Variants in GOLIM4 observed in about 807,000 individuals in gnomAD.
The protein encoded by GOLIM4 is 130 kDa golgi-localized phosphoprotein.
A neutral mutation model predicts 107.4 loss-of-function variants in GOLIM4; 71 were observed. The observed-to-expected ratio is 0.66, with a 90% CI of 0.55 to 0.81. The LOEUF (loss-of-function observed/expected upper bound fraction) is 0.81, where lower values mean the gene tolerates loss of function less well. Ranked by LOEUF, GOLIM4 falls within the 30% of genes least tolerant of loss-of-function variation. GOLIM4 has a pLI of 0.00. For missense variants in GOLIM4, 830 were observed against 826.1 expected, an observed-to-expected ratio of 1.00 and a Z score of -0.06; for synonymous variants, 327 against 294.8, an observed-to-expected ratio of 1.11 and a Z score of -1.12.
At position 168,066,917 on chromosome 3, in the gene GOLIM4, A is replaced by T. The variant is rs568273227; in HGVS notation, c.188-18552T>A. ...TGAAGAGTTATTTCATAAGAAAAATAAATCACTTAACATGGTAGTTCTTGT... is the reference window on the plus strand; with the variant it reads ...TGAAGAGTTATTTCATAAGAAAAATTAATCACTTAACATGGTAGTTCTTGT... On this transcript the variant is annotated intron_variant, in intron 1 of 15. Coordinates refer to ENST00000470487, the MANE Select transcript of GOLIM4 (RefSeq NM_014498.5). Among the ~76,000 whole-genome samples the T allele has an allele frequency of 6.6e-5, 10 of 152,268 alleles. No homozygotes were observed. The South Asian group carries it at 1.7e-3, about 25-fold the overall frequency.
At chr3:168,071,493 T>C (rs533781663) in intron 1 of GOLIM4, among the ~76,000 whole-genome samples, 4 of 152,078 alleles carry the variant, frequency 2.6e-5, no homozygotes, top group South Asian at 4.2e-4. Context: ...CTGGCTGTCA[T>C]GGCAAGTTCT....
At position 168,029,875 on chromosome 3, in the gene GOLIM4, C is replaced by T. The variant is rs1325978704; in HGVS notation, c.1338G>A (p.Gln446=). 5 of 1,614,150 alleles carry T rather than the reference C, an allele frequency of 3.1e-6. No individual in the cohort carries two copies. In the Admixed American group the frequency reaches 8.3e-5, roughly 27 times the overall value. Residue 446 remains glutamine, a synonymous_variant, in exon 10 of 16, where the codon CAG becomes CAA. Coordinates refer to ENST00000470487, the MANE Select transcript of GOLIM4 (RefSeq NM_014498.5). Reference sequence around the variant, plus strand: ...CCACCTGCTGCTGCTGCTGTTCCTGCTGCCGTAGTAAGTGCCCCTGCAGCC... The same window carrying T: ...CCACCTGCTGCTGCTGCTGTTCCTGTTGCCGTAGTAAGTGCCCCTGCAGCC... ...QQRLQGHLLR[Q]QEQQQQQVAR...
chr3:168,046,179 T>C (rs1466588029), intron 3 of GOLIM4, among the ~76,000 whole-genome samples: 4 of 152,230 alleles, frequency 2.6e-5, no homozygotes, highest in Non-Finnish European at 4.4e-5. Context: ...GGCTTCTTCT[T>C]AGTTTTAATA....
In GOLIM4 at chr3:168,041,543, A is replaced by T. The variant is rs1719004102; in HGVS notation, c.518-69T>A. ...TCAGGATTCTGTTTCTATTATTTTC[A>T]TATCTAAAGCCACCTATAACTTATT... On this transcript the variant is annotated intron_variant, in intron 5 of 15. Transcript: ENST00000470487. 3 of 741,944 alleles carry T rather than the reference A, an allele frequency of 4.0e-6. No homozygotes were observed. The African/African-American group carries it at 5.2e-5, about 13-fold the overall frequency. 46.0% of individuals were successfully genotyped at this position (741,944 alleles called of 1,614,324 possible). A position where few individuals can be genotyped will look rare whatever the true frequency, so the allele number is the denominator to read the frequency against.
At chr3:168,037,183 T>C (rs1718703120) in intron 7 of GOLIM4, among the ~76,000 whole-genome samples, 189 bp from the exon 8 acceptor site, 1 of 151,738 alleles carries the variant, frequency 6.6e-6, no homozygotes. Flanking sequence ...GCATGCAAAT[T>C]AGAAACAGAG....
chr3:168,037,424 A>G (rs1256685167), intron 7 of GOLIM4, among the ~76,000 whole-genome samples: 1 of 151,548 alleles, frequency 6.6e-6, no homozygotes, highest in Non-Finnish European at 1.5e-5. Context: ...AAGGAGTCAT[A>G]GGTTTAAAAT....
At chr3:168,029,722 T>C in intron 10 of GOLIM4, 58 bp downstream of exon 10, 1 of 1,581,958 alleles carries the variant, frequency 6.3e-7, no homozygotes, top group Non-Finnish European at 8.6e-7. Context: ...TGTTTTTAAT[T>C]TGCGTATGAA....
intron 14 of GOLIM4, among the ~76,000 whole-genome samples, chr3:168,012,089 C>T (rs1717074462): frequency 1.6e-5 from 2 of 125,092 alleles, no homozygotes; most frequent in Non-Finnish European, 1.5e-5. Flanking sequence ...TCAAATTACT[C>T]TGAGCTACGG....
intron 1 of GOLIM4, among the ~76,000 whole-genome samples, chr3:168,072,374 A>AT (rs1257486310): frequency 2.0e-5 from 3 of 148,950 alleles, no homozygotes. Flanking sequence ...AGAAGATGTG[A>AT]TTTAAAAAAA....
intron 8 of GOLIM4, 27 bp downstream of exon 8, chr3:168,036,809 C>T (rs780708371): frequency 4.5e-6 from 7 of 1,561,276 alleles, no homozygotes; most frequent in Non-Finnish European, 6.1e-6. Flanking sequence ...GTGACCTAAC[C>T]ATAGATTACC....
intron 1 of GOLIM4, among the ~76,000 whole-genome samples, chr3:168,056,453 T>A (rs533918443): frequency 1.3e-5 from 2 of 152,294 alleles, no homozygotes; most frequent in East Asian, 3.9e-4. Context: ...AGGGGGCCAC[T>A]GTCCTCTGGA....
chr3:168,083,760 T>A (rs1297812357), intron 1 of GOLIM4, among the ~76,000 whole-genome samples: 2 of 152,120 alleles, frequency 1.3e-5, no homozygotes, highest in Non-Finnish European at 1.5e-5. Context: ...ATAATAATAC[T>A]CAAACAACTA....
chr3:168,045,756 T>C (rs1719264135), intron 3 of GOLIM4, among the ~76,000 whole-genome samples: 1 of 152,234 alleles, frequency 6.6e-6, no homozygotes, highest in South Asian at 2.1e-4. Flanking sequence ...ACTGCATTTT[T>C]GCTTCCTCAC....
At position 168,070,935 on chromosome 3, in the gene GOLIM4, AT is replaced by A. The variant is rs1001902255; in HGVS notation, c.188-22571del. On this transcript the variant is annotated intron_variant, in intron 1 of 15. Coordinates refer to ENST00000470487, the MANE Select transcript of GOLIM4 (RefSeq NM_014498.5). ...GGGGTTTTCTACTCTAACTTGCTAA[AT>A]CTATTCTAAGATTAGTCCTTTTTAA... Among the ~76,000 whole-genome samples, 32 of 152,296 alleles carry A rather than the reference AT, an allele frequency of 2.1e-4. No homozygotes were observed. In the East Asian group the frequency reaches 5.6e-3, roughly 27 times the overall value.
chr3:168,075,160 GA>G (rs1257101872), intron 1 of GOLIM4, among the ~76,000 whole-genome samples: 1 of 150,006 alleles, frequency 6.7e-6, no homozygotes, highest in Admixed American at 6.7e-5. Flanking sequence ...ACAGAGATGA[GA>G]AAAAACAAAA....
At chr3:168,048,484 CAT>C in intron 1 of GOLIM4, 119 bp from the exon 2 acceptor site, 2 of 599,296 alleles carry the variant, frequency 3.3e-6, no homozygotes, top group South Asian at 2.0e-5. Flanking sequence ...TAAATAAAAA[CAT>C]ATGTGTTTTA....
intron 8 of GOLIM4, among the ~76,000 whole-genome samples, chr3:168,034,080 A>G (rs1399530583): frequency 3.9e-5 from 6 of 152,252 alleles, no homozygotes; most frequent in Non-Finnish European, 5.9e-5. Flanking sequence ...AATCTGAGAA[A>G]TTGGACTGTA....
At chr3:168,085,556 G>T (rs545871147) in intron 1 of GOLIM4, among the ~76,000 whole-genome samples, 2 of 152,200 alleles carry the variant, frequency 1.3e-5, no homozygotes, top group Admixed American at 6.6e-5. Context: ...TGGACCAAAA[G>T]GGGTAGAAGC....
At chr3:168,015,658 A>T (rs1717322041) in intron 14 of GOLIM4, among the ~76,000 whole-genome samples, 1 of 136,570 alleles carries the variant, frequency 7.3e-6, no homozygotes, top group Non-Finnish European at 1.5e-5. Flanking sequence ...AGGCTACAGT[A>T]ACCAAAACAG....
Sources: gnomAD v4.1 joint callset for allele counts (sites outside exome capture counted in the v4.1 genomes callset) on GRCh38, gnomAD v4.1.1 for gene constraint, MANE v1.5 for transcripts, NCBI Gene and HGNC (gene_info 2026-07-23, HGNC 2026-07-21) for gene names.